ZNF502: variants seen among roughly 807,000 people sequenced by gnomAD.
The protein encoded by ZNF502 is zinc finger protein 502.
A neutral mutation model predicts 43.6 loss-of-function variants in ZNF502; 29 were observed. That is an observed-to-expected ratio of 0.67 (90% CI 0.50 to 0.91). The LOEUF (loss-of-function observed/expected upper bound fraction) is 0.91, where lower values mean the gene tolerates loss of function less well. Among genes scored for constraint, ZNF502 ranks in the 40% least tolerant of loss-of-function variants. The pLI is 0.00. For missense variants in ZNF502, 591 were observed against 647.2 expected (o/e 0.91, Z 0.94); for synonymous variants, 171 against 207.4 (o/e 0.82, Z 1.51).
chr3:44,719,200 T>G (rs1687027723), intron 1 of ZNF502, among the ~76,000 whole-genome samples: 1 of 152,208 alleles, frequency 6.6e-6, no homozygotes, highest in African/African-American at 2.4e-5. Context: ...CTCAAACTCC[T>G]GACCTCAGGT....
In ZNF502 at chr3:44,717,789, A is replaced by G. The variant is rs1379357516; in HGVS notation, c.-59-2414A>G. ...TCCTCCCGCCTTAGTAGCTATGACT[A>G]TAGGTACACACCACTACACCCAACT... On this transcript the variant is annotated intron_variant, in intron 1 of 2. Coordinates refer to ENST00000436624, the MANE Select transcript of ZNF502 (RefSeq NM_001134442.3). Among the ~76,000 whole-genome samples, 6 of 152,062 alleles carry G rather than the reference A, an allele frequency of 3.9e-5. No homozygotes were observed. In the East Asian group the frequency reaches 5.8e-4, roughly 15 times the overall value.
intron 1 of ZNF502, among the ~76,000 whole-genome samples, chr3:44,719,722 A>G (rs1226812994): frequency 1.3e-5 from 2 of 152,246 alleles, no homozygotes; most frequent in African/African-American, 2.4e-5. Flanking sequence ...TCAAGTAGAT[A>G]GCATTCCCTA....
intron 1 of ZNF502, among the ~76,000 whole-genome samples, chr3:44,717,154 T>A (rs1704165884): frequency 6.6e-6 from 1 of 152,134 alleles, no homozygotes; most frequent in South Asian, 2.1e-4. Flanking sequence ...TATTTAACCC[T>A]TTAATTGGTT....
At chr3:44,714,335 A>G (rs1704092509) in intron 1 of ZNF502, among the ~76,000 whole-genome samples, 1 of 152,232 alleles carries the variant, frequency 6.6e-6, no homozygotes, top group South Asian at 2.1e-4. Flanking sequence ...TTATTCCACA[A>G]TAGGCATTTG....
At chr3:44,720,510 C>A (rs1347262632) in intron 2 of ZNF502, among the ~76,000 whole-genome samples, 194 bp downstream of exon 2, 6 of 152,190 alleles carry the variant, frequency 3.9e-5, no homozygotes, top group Non-Finnish European at 8.8e-5. Context: ...TCATTTCTAG[C>A]ATTTTCCTGT....
chr3:44,720,164 T>C (rs1211118211), intron 1 of ZNF502, 39 bp from the exon 2 acceptor site: 12 of 1,314,916 alleles, frequency 9.1e-6, no homozygotes, highest in Non-Finnish European at 1.3e-5. Context: ...GGGACAGTAA[T>C]ATTCCCTCCC....
rs1312743712 is a variant in ZNF502 at position 44,721,533 on chromosome 3, A to G, written c.716A>G (p.Tyr239Cys). The G allele has an allele frequency of 2.5e-6, 4 of 1,607,556 alleles. No individual in the cohort carries two copies. Among genetic ancestry groups the G allele is most frequent in the Middle Eastern group, 3.3e-4 (2 of 6,054 alleles). Residue 239 changes from tyrosine to cysteine, a missense_variant, in exon 3 of 3, where the codon TAT (tyrosine) becomes TGT (cysteine). Tyr to Cys is a radical substitution (Grantham distance 194). Transcript: ENST00000436624. Reference protein sequence around the residue: ...HQRIHTGEKPYKCNECGNSFR... With the variant: ...HQRIHTGEKPCKCNECGNSFR... ...AGAATTCACACTGGAGAGAAACCTT[A>G]TAAATGCAATGAATGTGGGAATTCC...
rs748731795 is a variant in ZNF502 at position 44,721,563 on chromosome 3, G to A, written c.746G>A (p.Arg249His). ...YKCNECGNSF[R>H]NHSHLTEHQR... ...TGCAATGAATGTGGGAATTCCTTCC[G>A]CAATCACTCACATCTCACTGAACAC... The change falls in exon 3 of 3, where the codon CGC becomes CAC. Residue 249 changes from arginine to histidine, a missense_variant. By Grantham distance (29) the Arg-to-His change is conservative. Transcript: ENST00000436624. 34 of 1,607,266 alleles carry A rather than the reference G, an allele frequency of 2.1e-5. No individual in the cohort carries two copies. Among genetic ancestry groups the A allele is most frequent in the African/African-American group, 9.4e-5 (7 of 74,762 alleles).
rs1263868554 is a variant in ZNF502, at chr3:44,721,645, C to A, written c.828C>A (p.Phe276Leu). ...PYKCNRCGKAFNQNTHLIHHQ... is the reference protein window; with the variant it reads ...PYKCNRCGKALNQNTHLIHHQ... ...AATGCAATAGGTGTGGGAAGGCATT[C>A]AATCAGAATACACACCTTATTCATC... The change falls in exon 3 of 3, where the codon TTC (phenylalanine) becomes TTA (leucine). Residue 276 changes from phenylalanine to leucine, a missense_variant. By Grantham distance (22) the Phe-to-Leu change is conservative (BLOSUM62 0). Coordinates refer to ENST00000436624, the MANE Select transcript of ZNF502 (RefSeq NM_001134442.3). 1 of 1,614,020 alleles carries A rather than the reference C, an allele frequency of 6.2e-7. No homozygotes were observed. Among genetic ancestry groups the A allele is most frequent in the Admixed American group, 1.7e-5 (1 of 60,018 alleles).
Position 44,721,347 on chromosome 3 carries a change from A to C in ZNF502, c.530A>C (p.His177Pro). 1 of 1,614,166 alleles carries C rather than the reference A, an allele frequency of 6.2e-7. No homozygotes were observed. The highest frequency in any genetic ancestry group is 8.5e-7 in the Non-Finnish European group (1 of 1,179,998). ...SSSLTQHQRT[H>P]TGERPYTCEE... ...TCCCTTACCCAACATCAGAGAACTC[A>C]TACTGGAGAGAGACCCTACACATGT... The change falls in exon 3 of 3, where the codon CAT (histidine) becomes CCT (proline). Residue 177 changes from histidine (H) to proline (P), a missense_variant. Coordinates refer to ENST00000436624, the MANE Select transcript of ZNF502 (RefSeq NM_001134442.3).
At position 44,722,270 on chromosome 3, in the gene ZNF502, C is replaced by G. The variant is rs767019447; in HGVS notation, c.1453C>G (p.His485Asp). The G allele has an allele frequency of 6.2e-7, 1 of 1,614,226 alleles. No homozygotes were observed. The highest frequency in any genetic ancestry group is 8.5e-7 in the Non-Finnish European group (1 of 1,180,038). The change falls in exon 3 of 3, where the codon CAC becomes GAC. Residue 485 changes from histidine to aspartate, a missense_variant. Transcript: ENST00000436624. ...SSSLTEHHRT[H>D]TGEKLYKCSE... is the part of the protein sequence containing the mutation. ...ATCTCTTACTGAACATCATAGAACT[C>G]ACACTGGTGAGAAGCTCTATAAATG...
rs1704340952 is a variant in ZNF502, at chr3:44,721,647, A to G, written c.830A>G (p.Asn277Ser). 1.9e-6 allele frequency: 3 copies of G among 1,614,126 alleles called. No homozygotes were observed. The Admixed American group carries it at 5.0e-5, about 27-fold the overall frequency. The change falls in exon 3 of 3, where the codon AAT (asparagine) becomes AGT (serine). Residue 277 changes from asparagine to serine, a missense_variant. Asn to Ser is a conservative substitution (Grantham distance 46, BLOSUM62 1). Transcript: ENST00000436624. ...YKCNRCGKAF[N>S]QNTHLIHHQR... ...TGCAATAGGTGTGGGAAGGCATTCA[A>G]TCAGAATACACACCTTATTCATCAT...
Position 44,721,813 on chromosome 3 carries a change from CCAAACAAAGG to C in ZNF502, c.1002_1011del (p.Lys335SerfsTer117). 6.2e-7 allele frequency: 1 copy of C among 1,614,068 alleles called. No individual in the cohort carries two copies. Among genetic ancestry groups the C allele is most frequent in the Non-Finnish European group, 8.5e-7 (1 of 1,179,990 alleles). ...AATGTGACGAATGTGGGAAAACTTT[CCAAACAAAGG>C]CAAACCTCTCTCAGCATCAGAGAAT... On this transcript the variant is annotated frameshift_variant, in exon 3 of 3. Transcript: ENST00000436624. LOFTEE classifies it high-confidence loss of function.
chr3:44,716,570 C>T (rs757379158), intron 1 of ZNF502, among the ~76,000 whole-genome samples: 24 of 152,172 alleles, frequency 1.6e-4, no homozygotes, highest in Non-Finnish European at 3.4e-4. Context: ...GCATTCTGTT[C>T]TGAATTCCTG....
rs760402072 is a variant in ZNF502 at position 44,721,630 on chromosome 3, G to T, written c.813G>T (p.Arg271Ser). 1 of 1,613,898 alleles carries T rather than the reference G, an allele frequency of 6.2e-7. No individual in the cohort carries two copies. Among genetic ancestry groups the T allele is most frequent in the Admixed American group, 1.7e-5 (1 of 60,010 alleles). ...GAGAGAAACCTTATAAATGCAATAG[G>T]TGTGGGAAGGCATTCAATCAGAATA... ...HTGEKPYKCNRCGKAFNQNTH... is the reference protein window; with the variant it reads ...HTGEKPYKCNSCGKAFNQNTH... Residue 271 changes from arginine to serine, a missense_variant, in exon 3 of 3, where the codon AGG (arginine) becomes AGT (serine). Coordinates refer to ENST00000436624, the MANE Select transcript of ZNF502 (RefSeq NM_001134442.3).
chr3:44,722,863 TGTA>T lies in ZNF502; in HGVS notation c.*414_*416del, dbSNP rs1704403558. 5.7e-6 allele frequency: 1 copy of T among 176,736 alleles called. No individual in the cohort carries two copies. The highest frequency in any genetic ancestry group is 2.4e-5 in the African/African-American group (1 of 42,318). The allele number at this position is 176,736 out of a possible 1,614,324, so 10.9% of individuals were successfully genotyped here. ...TCAGTGTGAAGTGGCACAGCTCTGA[TGTA>T]GTGCTAAGTCTAGCCTCCAGATTTG... On this transcript the variant is annotated 3_prime_UTR_variant, in exon 3 of 3. Transcript: ENST00000436624.
intron 2 of ZNF502, among the ~76,000 whole-genome samples, chr3:44,720,572 T>G (rs1704286858): frequency 1.3e-5 from 2 of 152,240 alleles, no homozygotes; most frequent in South Asian, 4.1e-4. Context: ...GTTTCCTGTC[T>G]TGCCCTAATC....
intron 1 of ZNF502, among the ~76,000 whole-genome samples, chr3:44,715,298 T>G (rs1464429317): frequency 6.6e-6 from 1 of 152,232 alleles, no homozygotes; most frequent in Non-Finnish European, 1.5e-5. Flanking sequence ...CTCATGAATA[T>G]TCTTTGAAAT....
Position 44,720,978 on chromosome 3 carries a change from C to T in ZNF502, c.161C>T (p.Thr54Ile). 2 of 1,614,164 alleles carry T rather than the reference C, an allele frequency of 1.2e-6. No individual in the cohort carries two copies. The highest frequency in any genetic ancestry group is 1.7e-6 in the Non-Finnish European group (2 of 1,180,022). ...CAAGAGGATGAATACCAAGATTCTA[C>T]ATTTGAAGAAAAATATGCATGTGAG... is the stretch of plus-strand genomic sequence containing the variant. Reference protein sequence around the residue: ...RFQEDEYQDSTFEEKYACEGM... With the variant: ...RFQEDEYQDSIFEEKYACEGM... The change falls in exon 3 of 3, where the codon ACA becomes ATA. Residue 54 changes from threonine to isoleucine, a missense_variant. Coordinates refer to ENST00000436624, the MANE Select transcript of ZNF502 (RefSeq NM_001134442.3).
Sources: allele counts gnomAD v4.1 joint callset (sites outside exome capture counted in the v4.1 genomes callset), GRCh38; gene constraint gnomAD v4.1.1; transcripts MANE v1.5; gene names NCBI Gene and HGNC (gene_info 2026-07-23, HGNC 2026-07-21).